The following PLPPR1 variants were observed in gnomAD, a reference collection of about 807,000 sequenced individuals.
PLPPR1 encodes the protein phospholipid phosphatase related 1.
Under a neutral mutation model 33.1 loss-of-function variants are expected in PLPPR1, and 10 were observed. The ratio of observed to expected loss-of-function variants is 0.30; its 90% CI spans 0.19 to 0.51. The LOEUF is 0.51. PLPPR1 is among the 20% of genes least tolerant of loss of function. The pLI, the probability that PLPPR1 is intolerant of heterozygous loss-of-function variation, is 0.97. For missense variants in PLPPR1, 304 were observed against 408.1 expected, an observed-to-expected ratio of 0.74 and a Z score of 2.20; for synonymous variants, 151 against 151.0, an observed-to-expected ratio of 1.00 and a Z score of 0.00.
Position 101,312,847 on chromosome 9 carries a change from C to T in PLPPR1, c.686C>T (p.Pro229Leu). 5 of 1,614,156 alleles carry T rather than the reference C, an allele frequency of 3.1e-6. No homozygotes were observed. Among genetic ancestry groups the T allele is most frequent in the South Asian group, 1.1e-5 (1 of 91,068 alleles). The change falls in exon 6 of 8, where the codon CCG becomes CTG. Residue 229 changes from proline (P) to leucine (L), a missense_variant. Coordinates refer to ENST00000374874, the MANE Select transcript of PLPPR1 (RefSeq NM_207299.2). ...ACGAAGAGCAGTCGACTGGCCAAGC[C>T]GGTGCTGTGCCTCGGAACTCTCTGC... ...IKTKSSRLAK[P>L]VLCLGTLCTA...
intron 5 of PLPPR1, among the ~76,000 whole-genome samples, chr9:101,310,408 A>G (rs1304366691): frequency 2.0e-5 from 3 of 152,152 alleles, no homozygotes; most frequent in East Asian, 3.9e-4. Context: ...GTAATTCTCA[A>G]TGGAAAGTGT....
intron 1 of PLPPR1, among the ~76,000 whole-genome samples, chr9:101,154,920 T>G (rs1459386204): frequency 7.6e-6 from 1 of 131,820 alleles, no homozygotes; most frequent in Non-Finnish European, 1.5e-5. Flanking sequence ...AAGAGAACAC[T>G]TGGACACTGG....
At chr9:101,288,085 C>T (rs1828427194) in intron 4 of PLPPR1, among the ~76,000 whole-genome samples, 1 of 152,052 alleles carries the variant, frequency 6.6e-6, no homozygotes, top group South Asian at 2.1e-4. Flanking sequence ...GGAGCAGGGT[C>T]CAAGGAATAA....
At chr9:101,073,857 TA>T (rs1371845370) in intron 1 of PLPPR1, among the ~76,000 whole-genome samples, 2 of 152,154 alleles carry the variant, frequency 1.3e-5, no homozygotes, top group Non-Finnish European at 2.9e-5. Flanking sequence ...CAGCCAGTGC[TA>T]ATCTATATGA....
At chr9:101,111,808 G>A (rs1449740258) in intron 1 of PLPPR1, among the ~76,000 whole-genome samples, 1 of 152,038 alleles carries the variant, frequency 6.6e-6, no homozygotes, top group Non-Finnish European at 1.5e-5. Context: ...TGACCCAATT[G>A]AATCATATCG....
intron 2 of PLPPR1, among the ~76,000 whole-genome samples, chr9:101,198,577 G>T (rs1352528852): frequency 6.6e-6 from 1 of 152,172 alleles, no homozygotes; most frequent in East Asian, 1.9e-4. Context: ...ATAACATGAT[G>T]AGAGGTGGAG....
intron 1 of PLPPR1, among the ~76,000 whole-genome samples, chr9:101,108,673 T>C (rs1458859699): frequency 2.0e-5 from 3 of 152,354 alleles, no homozygotes; most frequent in African/African-American, 7.2e-5. Flanking sequence ...TCAGTTCCTT[T>C]TATCCTTATT....
chr9:101,274,700 A>T (rs1386044598), intron 3 of PLPPR1, among the ~76,000 whole-genome samples: 1 of 152,238 alleles, frequency 6.6e-6, no homozygotes, highest in Admixed American at 6.5e-5. Context: ...GCAGCTCCCA[A>T]GTGCCCACCT....
intron 2 of PLPPR1, among the ~76,000 whole-genome samples, chr9:101,195,253 C>A (rs1826375173): frequency 6.6e-6 from 1 of 152,118 alleles, no homozygotes; most frequent in African/African-American, 2.4e-5. Context: ...TGTGGCCATG[C>A]CCCACTTCAA....
At chr9:101,215,241 G>A (rs779400741) in intron 2 of PLPPR1, among the ~76,000 whole-genome samples, 2 of 152,020 alleles carry the variant, frequency 1.3e-5, no homozygotes, top group Non-Finnish European at 2.9e-5. Context: ...ACCTAGCAAC[G>A]TAGGCAGGCA....
chr9:101,207,810 A>G (rs1451085477), intron 2 of PLPPR1, among the ~76,000 whole-genome samples: 2 of 152,188 alleles, frequency 1.3e-5, no homozygotes, highest in African/African-American at 4.8e-5. Flanking sequence ...TGGGGGGACT[A>G]GAGGACAGAA....
At chr9:101,038,159 A>G (rs577322792) in intron 1 of PLPPR1, among the ~76,000 whole-genome samples, 18 of 152,092 alleles carry the variant, frequency 1.2e-4, no homozygotes, top group Non-Finnish European at 2.2e-4. Context: ...TTAACTTTAC[A>G]TATTATTTTA....
chr9:101,241,812 C>T (rs927052770), intron 2 of PLPPR1, among the ~76,000 whole-genome samples: 3 of 152,058 alleles, frequency 2.0e-5, no homozygotes, highest in Non-Finnish European at 4.4e-5. Context: ...TTTGGCACAA[C>T]GGTTTATCGT....
chr9:101,129,613 C>T (rs1487699358), intron 1 of PLPPR1, among the ~76,000 whole-genome samples: 7 of 152,072 alleles, frequency 4.6e-5, no homozygotes, highest in Admixed American at 2.6e-4. Context: ...GGGTGGATCA[C>T]GAGGTCAAGA....
At chr9:101,255,597 AT>A (rs991638446) in intron 2 of PLPPR1, among the ~76,000 whole-genome samples, 1 of 152,166 alleles carries the variant, frequency 6.6e-6, no homozygotes, top group East Asian at 1.9e-4. Flanking sequence ...AATTATTTCC[AT>A]TTTTTTGCTT....
chr9:101,140,810 A>ATGT (rs1179648555), intron 1 of PLPPR1, among the ~76,000 whole-genome samples: 1 of 152,150 alleles, frequency 6.6e-6, no homozygotes, highest in Non-Finnish European at 1.5e-5. Context: ...TTTGGTGTGT[A>ATGT]TGTACTCTGT....
Position 101,241,723 on chromosome 9 carries a change from G to A in PLPPR1, c.64-28157G>A, listed in dbSNP as rs191438370. Reference sequence around the variant, plus strand: ...GACCCTGAAGGAGCTAACAGCTGGAGGGTGCCAGATAATCACATTCCTTGT... The same window carrying A: ...GACCCTGAAGGAGCTAACAGCTGGAAGGTGCCAGATAATCACATTCCTTGT... On this transcript the variant is annotated intron_variant, in intron 2 of 7. Coordinates refer to ENST00000374874, the MANE Select transcript of PLPPR1 (RefSeq NM_207299.2). Among the ~76,000 whole-genome samples the A allele has an allele frequency of 2.6e-4, 39 of 152,160 alleles. No individual in the cohort carries two copies. The East Asian group carries it at 7.2e-3, about 28-fold the overall frequency.
At chr9:101,117,977 C>T (rs1831135481) in intron 1 of PLPPR1, among the ~76,000 whole-genome samples, 1 of 152,158 alleles carries the variant, frequency 6.6e-6, no homozygotes, top group Non-Finnish European at 1.5e-5. Flanking sequence ...TGGACACTGT[C>T]AGTAGAGACA....
At chr9:101,059,345 T>C (rs931302632) in intron 1 of PLPPR1, among the ~76,000 whole-genome samples, 10 of 152,134 alleles carry the variant, frequency 6.6e-5, no homozygotes, top group African/African-American at 1.9e-4. Context: ...GTGTGAATCA[T>C]TCAGGGTTTG....
Sources: allele counts gnomAD v4.1 joint callset (sites outside exome capture counted in the v4.1 genomes callset), GRCh38; gene constraint gnomAD v4.1.1; transcripts MANE v1.5; gene names NCBI Gene and HGNC (gene_info 2026-07-23, HGNC 2026-07-21).